The following NTRK3 variants were observed in gnomAD, a reference collection of about 807,000 sequenced individuals.
The protein encoded by NTRK3 is NT-3 growth factor receptor.
A neutral mutation model predicts 91.7 loss-of-function variants in NTRK3; 24 were observed. That is an observed-to-expected ratio of 0.26 (90% confidence interval 0.19 to 0.37). The LOEUF is 0.37. Ranked by LOEUF, NTRK3 falls within the 10% of genes least tolerant of loss-of-function variation. The pLI, the probability that NTRK3 is intolerant of heterozygous loss-of-function variation, is 1.00. For missense variants in NTRK3, 880 were observed against 1,068.9 expected (o/e 0.82, Z 2.46); for synonymous variants, 483 against 404.0 (o/e 1.20, Z -2.34).
chr15:87,997,991 C>G (rs565305), intron 14 of NTRK3, among the ~76,000 whole-genome samples: 1 of 152,134 alleles, frequency 6.6e-6, no homozygotes, highest in African/African-American at 2.4e-5. Flanking sequence ...ATCATGAGCT[C>G]TAAAGAAGGT....
chr15:88,251,004 G>A (rs1222670143), intron 3 of NTRK3, among the ~76,000 whole-genome samples: 2 of 152,256 alleles, frequency 1.3e-5, no homozygotes, highest in Non-Finnish European at 2.9e-5. Flanking sequence ...TCCTGGCCCT[G>A]AGCCCAGGGT....
At chr15:88,070,037 G>C (rs752268759) in intron 13 of NTRK3, among the ~76,000 whole-genome samples, 1 of 152,180 alleles carries the variant, frequency 6.6e-6, no homozygotes, top group Non-Finnish European at 1.5e-5. Flanking sequence ...TCTCACAGCT[G>C]TTTCTTTTTG....
At chr15:88,139,492 G>A (rs745456796) in intron 6 of NTRK3, among the ~76,000 whole-genome samples, 1 of 152,150 alleles carries the variant, frequency 6.6e-6, no homozygotes, top group Admixed American at 6.5e-5. Context: ...TGAGGCTCCT[G>A]GGGAAAAGAA....
At position 88,243,851 on chromosome 15, in the gene NTRK3, A is replaced by T. The variant is rs1252663818; in HGVS notation, c.248+12055T>A. Among the ~76,000 whole-genome samples, 3 of 152,154 alleles carry T rather than the reference A, an allele frequency of 2.0e-5. No homozygotes were observed. Among genetic ancestry groups the T allele is most frequent in the Non-Finnish European group, 4.4e-5 (3 of 68,026 alleles). ...TGCCCATGTGGTTTCTCCAGTTGTG[A>T]CTTCGTACTGTGGGCCCCAGCAAGA... On this transcript the variant is annotated intron_variant, in intron 3 of 18. Coordinates refer to ENST00000394480, the Ensembl canonical transcript of NTRK3. The surrounding 1 kb of genome is among the most constrained non-coding windows in gnomAD (Gnocchi z 4.8).
intron 14 of NTRK3, among the ~76,000 whole-genome samples, chr15:87,955,415 C>T (rs1409332011): frequency 6.6e-6 from 1 of 152,220 alleles, no homozygotes; most frequent in Non-Finnish European, 1.5e-5. Flanking sequence ...CTGCACGCTA[C>T]AGAGGGTCAG....
At chr15:88,003,227 G>A (rs907540018) in intron 14 of NTRK3, among the ~76,000 whole-genome samples, 1 of 152,250 alleles carries the variant, frequency 6.6e-6, no homozygotes, top group African/African-American at 2.4e-5. Context: ...AATTATATAG[G>A]AGATAAACTG....
chr15:88,007,872 G>A (rs931196188), intron 14 of NTRK3, among the ~76,000 whole-genome samples: 6 of 152,126 alleles, frequency 3.9e-5, no homozygotes, highest in Non-Finnish European at 7.4e-5. Context: ...GACCCCTAAC[G>A]TGCCTTATAC....
chr15:88,201,793 C>G (rs1053740852), intron 3 of NTRK3, among the ~76,000 whole-genome samples: 1 of 152,178 alleles, frequency 6.6e-6, no homozygotes, highest in Non-Finnish European at 1.5e-5. Flanking sequence ...TTAATGGAAA[C>G]TGCCTGTTTG....
intron 5 of NTRK3, among the ~76,000 whole-genome samples, chr15:88,153,280 T>C (rs1433812162): frequency 6.6e-6 from 1 of 152,202 alleles, no homozygotes; most frequent in Non-Finnish European, 1.5e-5. Flanking sequence ...TTCACTCTTG[T>C]TGCCCAGGCT....
rs1228768583 is a variant in NTRK3 at position 88,256,175 on chromosome 15, A to G, written c.-15-7T>C. 6.8e-7 allele frequency: 1 copy of G among 1,477,532 alleles called. No homozygotes were observed. The highest frequency in any genetic ancestry group is 1.5e-5 in the African/African-American group (1 of 67,982). 91.5% of individuals were successfully genotyped at this position (1,477,532 alleles called of 1,614,324 possible). A position where few individuals can be genotyped will look rare whatever the true frequency, so the allele number is the denominator to read the frequency against. On this transcript the variant is annotated splice_region_variant and splice_polypyrimidine_tract_variant and intron_variant, in intron 2 of 18. Coordinates refer to ENST00000394480, the Ensembl canonical transcript of NTRK3. ...CCATCTCCGATCGCTGCTTCTAAAA[A>G]AGAGGAGGAGGAGAGGAGAGGGGGG... is the stretch of plus-strand genomic sequence containing the variant.
chr15:88,043,810 T>C (rs762224294), intron 13 of NTRK3, among the ~76,000 whole-genome samples: 26 of 152,072 alleles, frequency 1.7e-4, no homozygotes, highest in Non-Finnish European at 2.6e-4. Flanking sequence ...AAGAAGAAAA[T>C]CCTTTTCTGG....
At chr15:87,969,403 T>G (rs1409328224) in intron 14 of NTRK3, among the ~76,000 whole-genome samples, 1 of 152,194 alleles carries the variant, frequency 6.6e-6, no homozygotes, top group Admixed American at 6.5e-5. Flanking sequence ...ACATGAATTT[T>G]CTTGATTAAA....
intron 13 of NTRK3, chr15:88,099,240 C>A (rs918540073): frequency 4.4e-6 from 1 of 228,232 alleles, no homozygotes; most frequent in East Asian, 6.2e-5. Context: ...ATTCACAGAA[C>A]CAGGGAAAGC....
chr15:88,201,119 A>G (rs1024293144), intron 3 of NTRK3, among the ~76,000 whole-genome samples: 8 of 152,152 alleles, frequency 5.3e-5, no homozygotes, highest in Non-Finnish European at 1.2e-4. Context: ...GATCCACCAC[A>G]TTAGGCACCA....
At chr15:88,058,235 G>C (rs1021463183) in intron 13 of NTRK3, among the ~76,000 whole-genome samples, 1 of 152,180 alleles carries the variant, frequency 6.6e-6, no homozygotes, top group African/African-American at 2.4e-5. Flanking sequence ...CCAGGACTAC[G>C]ACGTCAGACA....
At chr15:88,063,326 C>T (rs942903200) in intron 13 of NTRK3, among the ~76,000 whole-genome samples, 67 of 152,222 alleles carry the variant, frequency 4.4e-4, no homozygotes, top group Admixed American at 2.9e-3. Context: ...CCAGACAGAG[C>T]TGTTGGTGGC....
chr15:88,122,051 A>G (rs923770116), intron 13 of NTRK3, among the ~76,000 whole-genome samples: 3 of 152,224 alleles, frequency 2.0e-5, no homozygotes, highest in African/African-American at 4.8e-5. Context: ...TGGAATTCCT[A>G]CACATACCGA....
At chr15:88,159,687 G>A (rs1279932518) in intron 5 of NTRK3, among the ~76,000 whole-genome samples, 3 of 152,134 alleles carry the variant, frequency 2.0e-5, no homozygotes, top group Non-Finnish European at 4.4e-5. Context: ...CCCTGTCAGG[G>A]AGCCGAGGGA....
At chr15:87,880,203 A>G in intron 18 of NTRK3, 67 bp downstream of exon 19, 12 of 1,602,994 alleles carry the variant, frequency 7.5e-6, no homozygotes, top group Non-Finnish European at 1.0e-5. Flanking sequence ...AGTAGGTCCA[A>G]GTTCTGGGCT....
Sources: allele counts gnomAD v4.1 joint callset (sites outside exome capture counted in the v4.1 genomes callset), GRCh38; gene constraint gnomAD v4.1.1; non-coding constraint Gnocchi (gnomAD v3.1); transcripts MANE v1.5; gene names NCBI Gene and HGNC (gene_info 2026-07-23, HGNC 2026-07-21).